The following TOP6BL variants were observed in gnomAD, a reference collection of about 807,000 sequenced individuals.
TOP6BL encodes the protein type 2 DNA topoisomerase 6 subunit B-like.
chr11:66,780,616 C>G, the TOP6BL span, among the ~76,000 whole-genome samples: 1 of 152,000 alleles, frequency 6.6e-6, no homozygotes, highest in East Asian at 1.9e-4. Context: ...GTCTCACTCT[C>G]TCACCCAGGC....
At chr11:66,816,666 G>A in the TOP6BL span, among the ~76,000 whole-genome samples, 3 of 152,104 alleles carry the variant, frequency 2.0e-5, no homozygotes, top group Non-Finnish European at 2.9e-5. Context: ...GGCTCATGTG[G>A]TCCTCCCGCT....
At chr11:66,771,760 G>A in the TOP6BL span, 1 of 156,266 alleles carries the variant, frequency 6.4e-6, no homozygotes, top group Non-Finnish European at 1.4e-5. Context: ...CCTGGAGGTT[G>A]CAAGTGGAGA....
the TOP6BL span, among the ~76,000 whole-genome samples, chr11:66,799,207 C>CAAAA: frequency 2.4e-5 from 1 of 41,858 alleles, no homozygotes; most frequent in Non-Finnish European, 5.0e-5. Flanking sequence ...ACTCTGTCTC[C>CAAAA]AAAAAAAAAA....
chr11:66,820,247 T>C, the TOP6BL span, among the ~76,000 whole-genome samples: 11 of 152,290 alleles, frequency 7.2e-5, no homozygotes, highest in South Asian at 1.7e-3. Flanking sequence ...GAGCTTACCA[T>C]ATATTACGTT....
At chr11:66,747,032 G>C in the TOP6BL span, among the ~76,000 whole-genome samples, 3 of 151,936 alleles carry the variant, frequency 2.0e-5, no homozygotes, top group Admixed American at 2.0e-4. Flanking sequence ...CACCTCCCGA[G>C]TTCAAGCAAT....
chr11:66,759,944 T>C, the TOP6BL span, among the ~76,000 whole-genome samples: 1 of 152,208 alleles, frequency 6.6e-6, no homozygotes, highest in Non-Finnish European at 1.5e-5. Flanking sequence ...TAACATTTAT[T>C]TTAAGGAAGC....
chr11:66,775,505 T>A, the TOP6BL span, among the ~76,000 whole-genome samples: 1 of 152,168 alleles, frequency 6.6e-6, no homozygotes, highest in African/African-American at 2.4e-5. Context: ...CAATGAAATG[T>A]GAGTGGAAGT....
the TOP6BL span, among the ~76,000 whole-genome samples, chr11:66,809,715 A>AT: frequency 4.0e-5 from 6 of 151,890 alleles, no homozygotes; most frequent in Non-Finnish European, 5.9e-5. Flanking sequence ...AGAAATAACT[A>AT]TTTTTTTTAA....
the TOP6BL span, among the ~76,000 whole-genome samples, chr11:66,803,284 T>C: frequency 6.6e-6 from 1 of 152,108 alleles, no homozygotes; most frequent in African/African-American, 2.4e-5. Context: ...GGAAGTATAC[T>C]TGAGAATAAG....
At chr11:66,822,013 A>G in the TOP6BL span, among the ~76,000 whole-genome samples, 2 of 152,212 alleles carry the variant, frequency 1.3e-5, no homozygotes, top group Admixed American at 1.3e-4. Flanking sequence ...AATAGTTAAT[A>G]GGGAAAAATG....
the TOP6BL span, among the ~76,000 whole-genome samples, chr11:66,833,622 T>C: frequency 1.3e-5 from 2 of 152,062 alleles, no homozygotes; most frequent in Non-Finnish European, 2.9e-5. Context: ...TACTTTTACT[T>C]GGGCCTCTGT....
At chr11:66,804,499 A>G in the TOP6BL span, among the ~76,000 whole-genome samples, 1 of 152,214 alleles carries the variant, frequency 6.6e-6, no homozygotes, top group Non-Finnish European at 1.5e-5. Flanking sequence ...TGAGTGCCAT[A>G]CTAAGGATTG....
chr11:66,839,068 T>C, the TOP6BL span: 1 of 454,320 alleles, frequency 2.2e-6, no homozygotes. Flanking sequence ...TATGGGAAAG[T>C]GTCAGTGCGT....
At chr11:66,830,869 A>G in the TOP6BL span, among the ~76,000 whole-genome samples, 1 of 152,218 alleles carries the variant, frequency 6.6e-6, no homozygotes, top group Non-Finnish European at 1.5e-5. Context: ...TTGAATGTTT[A>G]AAAACCTTAC....
the TOP6BL span, among the ~76,000 whole-genome samples, chr11:66,812,808 T>C: frequency 6.6e-6 from 1 of 152,148 alleles, no homozygotes; most frequent in African/African-American, 2.4e-5. Flanking sequence ...CGTTTTTTAT[T>C]GTCATGGAGG....
the TOP6BL span, among the ~76,000 whole-genome samples, chr11:66,794,402 G>A: frequency 3.9e-5 from 6 of 152,096 alleles, no homozygotes; most frequent in African/African-American, 1.4e-4. Flanking sequence ...AGTCAGTATA[G>A]GTAAGTGGTT....
the TOP6BL span, among the ~76,000 whole-genome samples, chr11:66,763,981 G>A: frequency 6.6e-6 from 1 of 152,148 alleles, no homozygotes; most frequent in South Asian, 2.1e-4. Context: ...TAATCACAAT[G>A]ATAATTTATT....
At chr11:66,804,752 A>G in the TOP6BL span, among the ~76,000 whole-genome samples, 2 of 152,172 alleles carry the variant, frequency 1.3e-5, no homozygotes, top group South Asian at 4.1e-4. Context: ...AGCCTGGCCA[A>G]TATGGTGAAA....
At chr11:66,744,819 G>GGGC in the TOP6BL span, 571,943 of 1,222,560 alleles carry the variant, frequency 0.47, 109,539 homozygotes, top group South Asian at 0.58. Flanking sequence ...GCTGAGGAGG[G>GGGC]GGCGGCGGCG....
Sources: allele counts gnomAD v4.1 joint callset (sites outside exome capture counted in the v4.1 genomes callset), GRCh38; gene constraint gnomAD v4.1.1; transcripts MANE v1.5; gene names NCBI Gene and HGNC (gene_info 2026-07-23, HGNC 2026-07-21).